The following PDE7A variants were observed in gnomAD, a reference collection of about 807,000 sequenced individuals.
The protein encoded by PDE7A is high affinity 3',5'-cyclic-AMP phosphodiesterase 7A.
PDE7A carries 39 observed loss-of-function variants against 64.3 expected under a neutral mutation model. The ratio of observed to expected loss-of-function variants is 0.61; its 90% CI spans 0.47 to 0.79. The LOEUF (loss-of-function observed/expected upper bound fraction) is 0.79, where lower values mean the gene tolerates loss of function less well. Among genes scored for constraint, PDE7A ranks in the 30% least tolerant of loss-of-function variants. The probability of loss-of-function intolerance (pLI) is 0.00; values close to 1 mark genes in which losing one functional copy is unlikely to be tolerated. For synonymous variants in PDE7A, 203 were observed against 206.8 expected (o/e 0.98, Z 0.16); for missense variants, 470 against 582.8 (o/e 0.81, Z 1.99).
At chr8:65,774,541 A>G (rs533495854) in intron 3 of PDE7A, among the ~76,000 whole-genome samples, 2 of 152,134 alleles carry the variant, frequency 1.3e-5, no homozygotes, top group East Asian at 1.9e-4. Flanking sequence ...AAAATTATTG[A>G]CAACCCAAAT....
At chr8:65,739,669 C>T in intron 5 of PDE7A, 72 bp from the exon 6 acceptor site, 1 of 1,293,514 alleles carries the variant, frequency 7.7e-7, no homozygotes, top group Non-Finnish European at 1.0e-6. Flanking sequence ...CTTTGAAATA[C>T]AGATTTTGAA....
chr8:65,739,117 A>C (rs1182973144), intron 6 of PDE7A, among the ~76,000 whole-genome samples: 8 of 152,272 alleles, frequency 5.3e-5, no homozygotes, highest in Non-Finnish European at 1.2e-4. Context: ...CAGCTCGGCT[A>C]ATTGTAAAAT....
chr8:65,771,045 A>G (rs370159552), intron 3 of PDE7A: 7 of 383,856 alleles, frequency 1.8e-5, no homozygotes, highest in East Asian at 2.0e-4. Context: ...GGACTATGAC[A>G]AAAACAATCC....
chr8:65,723,377 A>G, intron 12 of PDE7A, 164 bp downstream of exon 12: 1 of 569,860 alleles, frequency 1.8e-6, no homozygotes. Context: ...TTAAATGAGA[A>G]TTAGAAGAGC....
Position 65,724,815 on chromosome 8 carries a change from A to C in PDE7A, c.1027T>G (p.Cys343Gly). 6.2e-7 allele frequency: 1 copy of C among 1,612,092 alleles called. No individual in the cohort carries two copies. The highest frequency in any genetic ancestry group is 8.5e-7 in the Non-Finnish European group (1 of 1,178,750). The change falls in exon 10 of 13, where the codon TGC becomes GGC. Residue 343 changes from cysteine (C) to glycine (G), a missense_variant. Cys to Gly is a radical substitution (Grantham distance 159). Transcript: ENST00000401827. Reference sequence around the variant, plus strand: ...TGTCTGTGTCTGGTGTCTTCTAGGCATAAATCACCTCTATCCAAATGGGAC... The same window carrying C: ...TGTCTGTGTCTGGTGTCTTCTAGGCCTAAATCACCTCTATCCAAATGGGAC... ...FRSHLDRGDL[C>G]LEDTRHRHLV...
intron 1 of PDE7A, among the ~76,000 whole-genome samples, chr8:65,840,933 C>T (rs1811066589): frequency 6.6e-6 from 1 of 152,138 alleles, no homozygotes; most frequent in Admixed American, 6.5e-5. Context: ...GCGGGGCGCG[C>T]GGGAGCTGGG....
intron 3 of PDE7A, among the ~76,000 whole-genome samples, chr8:65,774,185 T>C (rs1266909673): frequency 6.6e-6 from 1 of 152,242 alleles, no homozygotes; most frequent in Non-Finnish European, 1.5e-5. Context: ...AAAAACTATG[T>C]ATTGAATCAT....
At chr8:65,801,003 C>T (rs1809972613) in intron 1 of PDE7A, among the ~76,000 whole-genome samples, 1 of 152,116 alleles carries the variant, frequency 6.6e-6, no homozygotes, top group Admixed American at 6.5e-5. Flanking sequence ...CAAAAATACA[C>T]AGTGGCAGAA....
chr8:65,768,370 T>C (rs1293191281), intron 3 of PDE7A, among the ~76,000 whole-genome samples: 3 of 151,846 alleles, frequency 2.0e-5, no homozygotes, highest in Admixed American at 6.6e-5. Flanking sequence ...TGGTAGGAGG[T>C]AGTTGAATCA....
chr8:65,763,478 T>G (rs188227992), intron 3 of PDE7A, among the ~76,000 whole-genome samples: 1 of 151,988 alleles, frequency 6.6e-6, no homozygotes, highest in Non-Finnish European at 1.5e-5. Flanking sequence ...GGCAGGAGAA[T>G]CACTTGAACC....
intron 1 of PDE7A, among the ~76,000 whole-genome samples, chr8:65,789,335 T>C (rs1285363994): frequency 6.6e-6 from 1 of 152,220 alleles, no homozygotes; most frequent in Non-Finnish European, 1.5e-5. Context: ...TTTCAAAAAA[T>C]GTGTGGCAGT....
chr8:65,772,963 G>A (rs906090851), intron 3 of PDE7A, among the ~76,000 whole-genome samples: 2 of 152,078 alleles, frequency 1.3e-5, no homozygotes, highest in Non-Finnish European at 2.9e-5. Flanking sequence ...AGCTGAGATC[G>A]TGCCACTGCA....
chr8:65,766,287 C>T (rs1192778064), intron 3 of PDE7A, among the ~76,000 whole-genome samples: 3 of 152,134 alleles, frequency 2.0e-5, no homozygotes, highest in East Asian at 1.9e-4. Flanking sequence ...GAATTTATTT[C>T]GTGTTCACTT....
chr8:65,789,538 A>G (rs1809644868), intron 1 of PDE7A, among the ~76,000 whole-genome samples: 1 of 152,200 alleles, frequency 6.6e-6, no homozygotes, highest in Admixed American at 6.5e-5. Context: ...GCTTCTTAAC[A>G]TTATAATTCA....
intron 3 of PDE7A, among the ~76,000 whole-genome samples, chr8:65,752,685 T>A (rs1471254117): frequency 6.6e-6 from 1 of 152,216 alleles, no homozygotes; most frequent in Non-Finnish European, 1.5e-5. Flanking sequence ...CAAATTTAAA[T>A]CTTCTGTTAT....
intron 1 of PDE7A, chr8:65,789,029 C>A (rs1809633150): frequency 1.9e-6 from 3 of 1,549,234 alleles, no homozygotes; most frequent in Non-Finnish European, 2.6e-6. Flanking sequence ...TACCAGCTGT[C>A]CCGAGGCAAA....
chr8:65,838,734 AAG>A (rs1401714171), intron 1 of PDE7A: 4 of 152,264 alleles, frequency 2.6e-5, no homozygotes, highest in African/African-American at 9.6e-5. Context: ...GCTGGCTTCT[AAG>A]AGTTTTTCTT....
chr8:65,726,802 A>C, intron 9 of PDE7A, 73 bp downstream of exon 9: 2 of 787,128 alleles, frequency 2.5e-6, no homozygotes, highest in South Asian at 3.3e-5. Flanking sequence ...AATTTTTAAA[A>C]CTTTATAAAA....
rs781430092 is a variant in PDE7A at position 65,841,375 on chromosome 8, G to A, written c.134C>T (p.Ser45Phe). ...GGGCCCGGCGGCGGCGATTACCTGA[G>A]AGAGCTGCCGGGGATTGGGGCAGCC... ...LFGCPNPRQL[S>F]QRRGAISYDS... Residue 45 changes from serine to phenylalanine, a missense_variant, in exon 1 of 13, where the codon TCT becomes TTT. Coordinates refer to ENST00000401827, the MANE Select transcript of PDE7A (RefSeq NM_001242318.3). 1 of 1,555,684 alleles carries A rather than the reference G, an allele frequency of 6.4e-7. No homozygotes were observed. The highest frequency in any genetic ancestry group is 8.7e-7 in the Non-Finnish European group (1 of 1,155,754).
Sources: allele counts gnomAD v4.1 joint callset (sites outside exome capture counted in the v4.1 genomes callset), GRCh38; gene constraint gnomAD v4.1.1; transcripts MANE v1.5; gene names NCBI Gene and HGNC (gene_info 2026-07-23, HGNC 2026-07-21).